The following SH3RF3 variants were observed in gnomAD, a reference collection of about 807,000 sequenced individuals.
SH3RF3 encodes the protein SH3 domain containing ring finger 3.
SH3RF3 carries 29 observed loss-of-function variants against 66.3 expected under a neutral mutation model. The observed-to-expected ratio is 0.44, with a 90% CI of 0.33 to 0.60. The LOEUF (loss-of-function observed/expected upper bound fraction) is 0.60, where lower values mean the gene tolerates loss of function less well. Ranked by LOEUF, SH3RF3 falls within the 20% of genes least tolerant of loss-of-function variation. The probability of loss-of-function intolerance (pLI) is 0.04; values close to 1 mark genes in which losing one functional copy is unlikely to be tolerated. For synonymous variants in SH3RF3, 583 were observed against 532.0 expected (o/e 1.10, Z -1.32); for missense variants, 1,194 against 1,190.9 (o/e 1.00, Z -0.04).
At chr2:109,392,568 G>A (rs958342926) in intron 3 of SH3RF3, among the ~76,000 whole-genome samples, 5 of 152,092 alleles carry the variant, frequency 3.3e-5, no homozygotes, top group Non-Finnish European at 7.4e-5. Flanking sequence ...GAGTGCAGTG[G>A]CGTGATCTTG....
intron 9 of SH3RF3, among the ~76,000 whole-genome samples, chr2:109,491,904 C>T (rs1679139645): frequency 6.6e-6 from 1 of 152,234 alleles, no homozygotes; most frequent in South Asian, 2.1e-4. Context: ...ACCTGCTGCC[C>T]TCCCAGACGC....
chr2:109,359,984 A>T (rs899661432), intron 2 of SH3RF3, among the ~76,000 whole-genome samples: 1 of 152,076 alleles, frequency 6.6e-6, no homozygotes. Context: ...TATTTTTAAA[A>T]GCCATCCAGC....
intron 1 of SH3RF3, among the ~76,000 whole-genome samples, chr2:109,269,849 C>T (rs1366365183): frequency 6.6e-6 from 1 of 152,196 alleles, no homozygotes; most frequent in Non-Finnish European, 1.5e-5. Context: ...CCAGAATGTT[C>T]GTGTGCTCAG....
chr2:109,489,857 G>T (rs1232508318), intron 8 of SH3RF3, among the ~76,000 whole-genome samples: 1 of 152,042 alleles, frequency 6.6e-6, no homozygotes. Flanking sequence ...CCCACCTCAG[G>T]CTCCTGAGTA....
At position 109,501,907 on chromosome 2, in the gene SH3RF3, T is replaced by G. The variant is rs959927337; in HGVS notation, c.*236T>G. ...TTCAAGGAAATGCCCACCCCCTCTG[T>G]GGAAACTGCAAAGAAAGCACCTTGA... is the stretch of plus-strand genomic sequence containing the variant. On this transcript the variant is annotated 3_prime_UTR_variant, in exon 10 of 10. Coordinates refer to ENST00000309415, the MANE Select transcript of SH3RF3 (RefSeq NM_001099289.3). 3.6e-5 allele frequency: 18 copies of G among 493,820 alleles called. No homozygotes were observed. The highest frequency in any genetic ancestry group is 3.6e-6 in the Non-Finnish European group (1 of 275,324). The allele number at this position is 493,820 out of a possible 1,614,324, so 30.6% of individuals were successfully genotyped here.
chr2:109,287,967 A>C (rs1403524583), intron 1 of SH3RF3, among the ~76,000 whole-genome samples: 3 of 152,260 alleles, frequency 2.0e-5, no homozygotes, highest in East Asian at 1.9e-4. Flanking sequence ...GAAAGGTTCA[A>C]GTTCTTATTT....
At chr2:109,163,864 A>C (rs1237155378) in intron 1 of SH3RF3, among the ~76,000 whole-genome samples, 1 of 152,092 alleles carries the variant, frequency 6.6e-6, no homozygotes, top group South Asian at 2.1e-4. Flanking sequence ...ATTACCAACT[A>C]TTTGTGGTTG....
chr2:109,496,200 G>T (rs568079105), intron 9 of SH3RF3, among the ~76,000 whole-genome samples: 2 of 152,222 alleles, frequency 1.3e-5, no homozygotes, highest in African/African-American at 4.8e-5. Flanking sequence ...ACAGAGTGCG[G>T]ATTGGTGCAT....
intron 1 of SH3RF3, among the ~76,000 whole-genome samples, chr2:109,321,641 A>G (rs1682029106): frequency 1.3e-5 from 2 of 152,242 alleles, no homozygotes; most frequent in African/African-American, 4.8e-5. Flanking sequence ...GTCTAGATAA[A>G]ACCCTCTTGT....
At chr2:109,361,831 C>G (rs1353731813) in intron 2 of SH3RF3, among the ~76,000 whole-genome samples, 5 of 152,100 alleles carry the variant, frequency 3.3e-5, no homozygotes, top group African/African-American at 9.7e-5. Flanking sequence ...AGGAATTGTT[C>G]CATTTCATCT....
chr2:109,228,101 C>T (rs1679413875), intron 1 of SH3RF3, among the ~76,000 whole-genome samples: 1 of 152,204 alleles, frequency 6.6e-6, no homozygotes, highest in Non-Finnish European at 1.5e-5. Context: ...TCTCTTGACA[C>T]ATACAGGCAA....
chr2:109,295,636 C>T (rs1308204459), intron 1 of SH3RF3, among the ~76,000 whole-genome samples: 2 of 152,180 alleles, frequency 1.3e-5, no homozygotes, highest in Admixed American at 6.5e-5. Context: ...GCTGCAGACT[C>T]ACTGCAGCCC....
intron 1 of SH3RF3, among the ~76,000 whole-genome samples, chr2:109,182,605 G>C (rs752584395): frequency 6.6e-6 from 1 of 152,178 alleles, no homozygotes; most frequent in African/African-American, 2.4e-5. Context: ...AGAATGAATC[G>C]ATGTTGCGTA....
At chr2:109,417,251 T>C (rs181228167) in intron 4 of SH3RF3, among the ~76,000 whole-genome samples, 438 of 152,244 alleles carry the variant, frequency 2.9e-3, no homozygotes, top group African/African-American at 8.3e-3. Context: ...CCTTGGGGTG[T>C]CTCTGCCCTC....
In SH3RF3 at chr2:109,347,763, C is replaced by T. The variant is rs768816627; in HGVS notation, c.663C>T (p.Ile221=). ...TCAAGTTCAACAAGGGGGACATCAT[C>T]GTCCTGCGGCGCAAGGTGGATGAAC... ...GDLKFNKGDI[I]VLRRKVDEQW... is the part of the protein sequence containing the mutation. The change falls in exon 2 of 10, where the codon ATC becomes ATT. Residue 221 remains isoleucine (I), a synonymous_variant. Transcript: ENST00000309415. 21 of 1,613,850 alleles carry T rather than the reference C, an allele frequency of 1.3e-5. No homozygotes were observed. The highest frequency in any genetic ancestry group is 1.7e-5 in the Admixed American group (1 of 60,008).
intron 3 of SH3RF3, among the ~76,000 whole-genome samples, chr2:109,397,501 G>A (rs1197816671): frequency 1.3e-5 from 2 of 152,158 alleles, no homozygotes; most frequent in Admixed American, 1.3e-4. Flanking sequence ...CCCCATATAG[G>A]TGTGCACTTA....
intron 1 of SH3RF3, among the ~76,000 whole-genome samples, chr2:109,206,911 T>C (rs1678854038): frequency 6.6e-6 from 1 of 152,180 alleles, no homozygotes; most frequent in African/African-American, 2.4e-5. Flanking sequence ...GCCATAAGCT[T>C]GTGTTTGGGA....
chr2:109,203,676 G>A (rs1257069818), intron 1 of SH3RF3, among the ~76,000 whole-genome samples: 1 of 152,096 alleles, frequency 6.6e-6, no homozygotes, highest in African/African-American at 2.4e-5. Context: ...CTGTGTCTCT[G>A]TGCACCCTGC....
intron 1 of SH3RF3, among the ~76,000 whole-genome samples, chr2:109,272,565 T>A (rs1680651261): frequency 6.6e-6 from 1 of 152,228 alleles, no homozygotes; most frequent in Non-Finnish European, 1.5e-5. Flanking sequence ...CTACTTGGGC[T>A]GAAGGCTCAG....
Sources: allele counts gnomAD v4.1 joint callset (sites outside exome capture counted in the v4.1 genomes callset), GRCh38; gene constraint gnomAD v4.1.1; transcripts MANE v1.5; gene names NCBI Gene and HGNC (gene_info 2026-07-23, HGNC 2026-07-21).